The following CFDP1 variants were observed in gnomAD, a reference collection of about 807,000 sequenced individuals.
CFDP1 encodes the protein heterochromatin-stabilizing protein CFDP1.
CFDP1 carries 31 observed loss-of-function variants against 40.1 expected under a neutral mutation model. The observed-to-expected ratio is 0.77, with a 90% confidence interval of 0.58 to 1.04. CFDP1 has a LOEUF of 1.04. Among genes scored for constraint, CFDP1 ranks in the 50% least tolerant of loss-of-function variants. The pLI is 0.00. For synonymous variants in CFDP1, 167 were observed against 120.0 expected (o/e 1.39, Z -2.56); for missense variants, 423 against 343.4 (o/e 1.23, Z -1.83).
intron 5 of CFDP1, among the ~76,000 whole-genome samples, chr16:75,370,141 G>A (rs1241840635): frequency 6.6e-6 from 1 of 151,084 alleles, no homozygotes; most frequent in African/African-American, 2.4e-5. Flanking sequence ...TGCCCAGGCT[G>A]GAGTGCAATG....
At chr16:75,301,626 T>C (rs2078222847) in intron 6 of CFDP1, 1 of 143,040 alleles carries the variant, frequency 7.0e-6, no homozygotes, top group African/African-American at 2.6e-5. Flanking sequence ...GCTGGGACTA[T>C]GGGTGCATGT....
intron 5 of CFDP1, among the ~76,000 whole-genome samples, chr16:75,332,334 A>G (rs145749441): frequency 0.016 from 2,367 of 152,142 alleles, 59 homozygotes; most frequent in African/African-American, 0.053. Context: ...CTGTAGTGGC[A>G]CGCACCTATA....
Position 75,420,662 on chromosome 16 carries a change from AAC to A in CFDP1, c.65-5969_65-5968del, listed in dbSNP as rs2079268048. 3.9e-5 allele frequency among the ~76,000 whole-genome samples: 6 copies of A among 152,350 alleles called. No homozygotes were observed. The South Asian group carries it at 1.2e-3, about 32-fold the overall frequency. ...TGAGTATGATCTATATATAAGATAA[AAC>A]ATTTACTAAAATAAATGGGTAGAAA... On this transcript the variant is annotated intron_variant, in intron 1 of 6. Transcript: ENST00000283882.
intron 4 of CFDP1, among the ~76,000 whole-genome samples, chr16:75,405,358 TG>T (rs1380167480): frequency 6.6e-6 from 1 of 152,222 alleles, no homozygotes; most frequent in Admixed American, 6.5e-5. Context: ...CCAGGCATGA[TG>T]ACTCATGTCT....
intron 5 of CFDP1, among the ~76,000 whole-genome samples, chr16:75,317,614 T>G (rs150324780): frequency 6.6e-6 from 1 of 152,258 alleles, no homozygotes; most frequent in East Asian, 1.9e-4. Flanking sequence ...AACAGACAAT[T>G]TACATTTCTG....
chr16:75,329,449 A>T (rs80184004), intron 5 of CFDP1, among the ~76,000 whole-genome samples: 1 of 152,286 alleles, frequency 6.6e-6, no homozygotes, highest in South Asian at 2.1e-4. Flanking sequence ...TAAAAAAAAA[A>T]TCCGTGATAA....
chr16:75,350,358 T>C (rs905346343), intron 5 of CFDP1, among the ~76,000 whole-genome samples: 2 of 152,208 alleles, frequency 1.3e-5, no homozygotes, highest in African/African-American at 4.8e-5. Context: ...CAGCAAGGTA[T>C]GAAGGTTTCA....
intron 5 of CFDP1, among the ~76,000 whole-genome samples, chr16:75,312,081 T>A (rs1317847898): frequency 1.3e-5 from 2 of 152,168 alleles, no homozygotes; most frequent in African/African-American, 4.8e-5. Flanking sequence ...TGGAGTTAGC[T>A]AAAATCCGTA....
chr16:75,407,539 G>A (rs1244715106), intron 4 of CFDP1, among the ~76,000 whole-genome samples: 1 of 151,372 alleles, frequency 6.6e-6, no homozygotes, highest in Non-Finnish European at 1.5e-5. Flanking sequence ...AGTTAGATGG[G>A]CAAGGTGGCA....
chr16:75,319,450 G>C (rs546223905), intron 5 of CFDP1, among the ~76,000 whole-genome samples: 1 of 152,264 alleles, frequency 6.6e-6, no homozygotes, highest in South Asian at 2.1e-4. Context: ...TCTGGGGTTG[G>C]GGGGGAACGT....
Position 75,433,466 on chromosome 16 carries a change from C to G in CFDP1, c.-114G>C. ...GCGGCGGCGACGGCAGCTAGGGCGG[C>G]CCCCGACAGCGCTTTGCACATGCGC... On this transcript the variant is annotated 5_prime_UTR_variant, in exon 1 of 7. Coordinates refer to ENST00000283882, the MANE Select transcript of CFDP1 (RefSeq NM_006324.3). The G allele has an allele frequency of 1.1e-6, 1 of 947,344 alleles. No homozygotes were observed. The highest frequency in any genetic ancestry group is 1.6e-6 in the Non-Finnish European group (1 of 617,060). The allele number at this position is 947,344 out of a possible 1,614,324, so 58.7% of individuals were successfully genotyped here.
chr16:75,379,042 C>G (rs765464496), intron 5 of CFDP1, among the ~76,000 whole-genome samples: 1 of 151,464 alleles, frequency 6.6e-6, no homozygotes, highest in African/African-American at 2.4e-5. Flanking sequence ...AAATAATGAA[C>G]GGAATAAAAT....
intron 1 of CFDP1, among the ~76,000 whole-genome samples, chr16:75,428,377 A>C (rs1168145397): frequency 1.3e-5 from 2 of 152,156 alleles, no homozygotes; most frequent in African/African-American, 4.8e-5. Context: ...GCACTTTGGG[A>C]GGCCGAAGCA....
intron 5 of CFDP1, chr16:75,380,137 GA>G (rs977369631): frequency 6.7e-4 from 90 of 134,500 alleles, no homozygotes; most frequent in African/African-American, 5.7e-4. Flanking sequence ...AACTCCATCT[GA>G]AAAAAAAAAA....
At chr16:75,379,406 C>T (rs1011344252) in intron 5 of CFDP1, among the ~76,000 whole-genome samples, 2 of 151,452 alleles carry the variant, frequency 1.3e-5, no homozygotes, top group Non-Finnish European at 2.9e-5. Flanking sequence ...GATATCACTA[C>T]AAGTATCAAA....
At chr16:75,326,585 GAACAGGT>G (rs1480013803) in intron 5 of CFDP1, among the ~76,000 whole-genome samples, 1 of 152,216 alleles carries the variant, frequency 6.6e-6, no homozygotes, top group Admixed American at 6.5e-5. Context: ...GGAGCACAGT[GAACAGGT>G]AAGGTGGCTA....
At chr16:75,328,937 C>T (rs1254590278) in intron 5 of CFDP1, among the ~76,000 whole-genome samples, 1 of 151,610 alleles carries the variant, frequency 6.6e-6, no homozygotes, top group Non-Finnish European at 1.5e-5. Flanking sequence ...ACCTCCACCT[C>T]CTGGGTTCAT....
At chr16:75,393,903 CAA>C (rs547191982) in intron 5 of CFDP1, among the ~76,000 whole-genome samples, 235 of 151,546 alleles carry the variant, frequency 1.6e-3, no homozygotes, top group Non-Finnish European at 3.0e-3. Flanking sequence ...ACTAAAAATA[CAA>C]AAGATTAGAC....
intron 1 of CFDP1, among the ~76,000 whole-genome samples, chr16:75,427,172 T>A (rs2079351636): frequency 6.6e-6 from 1 of 151,674 alleles, no homozygotes; most frequent in African/African-American, 2.4e-5. Context: ...CCAAAGAAGA[T>A]AAAATGATGG....
Sources: gnomAD v4.1 joint callset for allele counts (sites outside exome capture counted in the v4.1 genomes callset) on GRCh38, gnomAD v4.1.1 for gene constraint, MANE v1.5 for transcripts, NCBI Gene and HGNC (gene_info 2026-07-23, HGNC 2026-07-21) for gene names.